DGKG: variants seen among roughly 807,000 people sequenced by gnomAD.
The protein encoded by DGKG is diacylglycerol kinase gamma.
In DGKG, 78 loss-of-function variants were observed where a neutral mutation model predicts 105.3. That is an observed-to-expected ratio of 0.74 (90% CI 0.62 to 0.89). DGKG has a LOEUF of 0.89. Ranked by LOEUF, DGKG falls within the 40% of genes least tolerant of loss-of-function variation. The probability of loss-of-function intolerance (pLI) is 0.00; values close to 1 mark genes in which losing one functional copy is unlikely to be tolerated. For missense variants in DGKG, 958 were observed against 1,020.1 expected (o/e 0.94, Z 0.83); for synonymous variants, 346 against 367.1 (o/e 0.94, Z 0.66).
intron 20 of DGKG, among the ~76,000 whole-genome samples, chr3:186,236,260 T>G (rs559410319): frequency 2.6e-5 from 4 of 152,256 alleles, no homozygotes; most frequent in Admixed American, 1.3e-4. Context: ...AAAGGCCATG[T>G]CAATGGAGCA....
chr3:186,199,055 C>T (rs955537015), intron 21 of DGKG, among the ~76,000 whole-genome samples: 1 of 152,100 alleles, frequency 6.6e-6, no homozygotes, highest in African/African-American at 2.4e-5. Context: ...TCAAGGGATT[C>T]TCCTGCCTCA....
chr3:186,260,522 A>T lies in DGKG; in HGVS notation c.1350-9T>A. 1 of 1,603,090 alleles carries T rather than the reference A, an allele frequency of 6.2e-7. No homozygotes were observed. Among genetic ancestry groups the T allele is most frequent in the Non-Finnish European group, 8.5e-7 (1 of 1,170,442 alleles). Reference sequence around the variant, plus strand: ...GGAATTTCCGAAGAATTCTATGGAAAAAAAAAGAAAAGGAGGGAGAGAGAG... The same window carrying T: ...GGAATTTCCGAAGAATTCTATGGAATAAAAAAGAAAAGGAGGGAGAGAGAG... On this transcript the variant is annotated splice_polypyrimidine_tract_variant and intron_variant, in intron 15 of 24. Transcript: ENST00000265022.
At chr3:186,280,571 G>T in intron 8 of DGKG, 99 bp downstream of exon 8, 1 of 909,472 alleles carries the variant, frequency 1.1e-6, no homozygotes, top group Non-Finnish European at 1.7e-6. Context: ...GATGAGTCTG[G>T]GAGCACCTGC....
chr3:186,277,713 C>G (rs1722649014), intron 9 of DGKG, among the ~76,000 whole-genome samples: 1 of 152,206 alleles, frequency 6.6e-6, no homozygotes, highest in Admixed American at 6.5e-5. Context: ...ATAGCACCAT[C>G]ATGTGGCTCT....
chr3:186,345,060 TG>T (rs1470976129), intron 1 of DGKG, among the ~76,000 whole-genome samples: 2 of 152,190 alleles, frequency 1.3e-5, no homozygotes, highest in East Asian at 3.8e-4. Context: ...TCCATCAGTT[TG>T]GGGTGCAATA....
chr3:186,314,340 A>G (rs762607915), intron 2 of DGKG, among the ~76,000 whole-genome samples: 7 of 152,118 alleles, frequency 4.6e-5, no homozygotes. Flanking sequence ...TCTAATTTCT[A>G]TTTTACTATC....
At chr3:186,291,330 C>T (rs1027646280) in intron 5 of DGKG, among the ~76,000 whole-genome samples, 6 of 151,200 alleles carry the variant, frequency 4.0e-5, no homozygotes, top group African/African-American at 7.3e-5. Context: ...CAGAGGCAAA[C>T]GTTCTTAATA....
At chr3:186,340,006 T>TGCCTG (rs1204721579) in intron 1 of DGKG, among the ~76,000 whole-genome samples, 1 of 152,232 alleles carries the variant, frequency 6.6e-6, no homozygotes, top group Non-Finnish European at 1.5e-5. Context: ...CCCAGGGCCG[T>TGCCTG]GCCTGGCACA....
chr3:186,284,698 G>A lies in DGKG; in HGVS notation c.556C>T (p.Leu186Phe), dbSNP rs1370674665. ...PQDKLEFMFR[L>F]YDSDENGLLD... The stretch of plus-strand genomic sequence containing the variant: ...AGACCGTTCTCATCTGAATCATAGA[G>A]GCGAAACATGACTGTAAGAAACACA... Residue 186 changes from leucine to phenylalanine, a missense_variant, in exon 7 of 25, where the codon CTC becomes TTC. Leu to Phe is a conservative substitution (Grantham distance 22, BLOSUM62 0). Around this residue, in one of 2 missense-constraint regions of DGKG, gnomAD observed 643 missense variants for 619.5 expected, o/e 1.04. Coordinates refer to ENST00000265022, the MANE Select transcript of DGKG (RefSeq NM_001346.3). The surrounding 1 kb of genome is among the most constrained non-coding windows in gnomAD (Gnocchi z 4.0). The A allele has an allele frequency of 1.2e-6, 2 of 1,613,920 alleles. No homozygotes were observed. Among genetic ancestry groups the A allele is most frequent in the South Asian group, 1.1e-5 (1 of 91,074 alleles).
intron 21 of DGKG, among the ~76,000 whole-genome samples, chr3:186,209,121 C>T (rs1228298778): frequency 4.8e-5 from 5 of 103,718 alleles, no homozygotes; most frequent in African/African-American, 1.3e-4. Context: ...TTTTTTAAGA[C>T]GGCGTCTTTC....
At chr3:186,236,591 A>G (rs1720431654) in intron 20 of DGKG, among the ~76,000 whole-genome samples, 1 of 152,242 alleles carries the variant, frequency 6.6e-6, no homozygotes, top group Admixed American at 6.5e-5. Flanking sequence ...AATAGTTACT[A>G]AGTGCTTAGT....
chr3:186,196,431 G>A (rs949513505), intron 21 of DGKG, among the ~76,000 whole-genome samples: 6 of 152,134 alleles, frequency 3.9e-5, no homozygotes, highest in African/African-American at 7.2e-5. Flanking sequence ...GAGCCACTGC[G>A]CCCAGCCTTT....
intron 24 of DGKG, chr3:186,160,885 A>G (rs910216496): frequency 1.0e-6 from 1 of 985,448 alleles, no homozygotes; most frequent in South Asian, 4.7e-5. Context: ...GAGCTAACGG[A>G]TATGGTAAGT....
intron 10 of DGKG, among the ~76,000 whole-genome samples, chr3:186,273,131 G>A (rs991224451): frequency 2.0e-5 from 3 of 152,080 alleles, no homozygotes; most frequent in Admixed American, 2.0e-4. Flanking sequence ...GGAAGAAAAC[G>A]GCCTCTCTTT....
At chr3:186,251,252 C>T (rs1721211170) in intron 19 of DGKG, among the ~76,000 whole-genome samples, 1 of 152,104 alleles carries the variant, frequency 6.6e-6, no homozygotes, top group African/African-American at 2.4e-5. Flanking sequence ...GGAGACTCCC[C>T]TAGAGGTTTA....
rs368976403 is a variant in DGKG at position 186,193,859 on chromosome 3, C to G, written c.1918-5480G>C. Reference sequence around the variant, plus strand: ...GGTCCCCGCGCGCACCGTGGGCCATCCCTAACCCAGGACCTGGCTAGCAGG... The same window carrying G: ...GGTCCCCGCGCGCACCGTGGGCCATGCCTAACCCAGGACCTGGCTAGCAGG... On this transcript the variant is annotated intron_variant, in intron 21 of 24. Transcript: ENST00000265022. 3.9e-4 allele frequency among the ~76,000 whole-genome samples: 60 copies of G among 152,370 alleles called. No homozygotes were observed. In the East Asian group the frequency reaches 8.5e-3, roughly 22 times the overall value.
At chr3:186,260,273 C>A (rs1395744968) in intron 16 of DGKG, among the ~76,000 whole-genome samples, 166 bp downstream of exon 16, 2 of 152,014 alleles carry the variant, frequency 1.3e-5, no homozygotes, top group Non-Finnish European at 2.9e-5. Context: ...TCCTGAGTAT[C>A]TCCAGGAGTC....
intron 1 of DGKG, among the ~76,000 whole-genome samples, chr3:186,347,029 CTTTT>C (rs1243219945): frequency 6.6e-6 from 1 of 152,020 alleles, no homozygotes; most frequent in African/African-American, 2.4e-5. Flanking sequence ...ACCCTCCTTT[CTTTT>C]TGTTTGCATT....
intron 20 of DGKG, among the ~76,000 whole-genome samples, chr3:186,216,981 CATT>C (rs1195329998): frequency 2.0e-5 from 3 of 152,124 alleles, no homozygotes; most frequent in Non-Finnish European, 4.4e-5. Context: ...AAAATGGGAA[CATT>C]ATTTTCTACT....
Sources: allele counts gnomAD v4.1 joint callset (sites outside exome capture counted in the v4.1 genomes callset), GRCh38; gene constraint gnomAD v4.1.1; regional missense constraint gnomAD v4.1.1; non-coding constraint Gnocchi (gnomAD v3.1); transcripts MANE v1.5; gene names NCBI Gene and HGNC (gene_info 2026-07-23, HGNC 2026-07-21).